The following OR3A2 variants were observed in gnomAD, a reference collection of about 807,000 sequenced individuals.
OR3A2 encodes olfactory receptor family 3 subfamily A member 2.
For synonymous variants in OR3A2, 126 were observed against 159.3 expected (o/e 0.79, Z 1.57); for missense variants, 318 against 392.8 (o/e 0.81, Z 1.61).
chr17:3,367,601 G>GTGTATATATATATA (rs1555530074), intron 2 of OR3A2, among the ~76,000 whole-genome samples: 6 of 122,522 alleles, frequency 4.9e-5, no homozygotes, highest in South Asian at 2.6e-4. Flanking sequence ...GTGTGTGTGT[G>GTGTATATATATATA]TATATATATA....
At chr17:3,334,947 T>G (rs1425674399) in intron 3 of OR3A2, among the ~76,000 whole-genome samples, 3 of 152,190 alleles carry the variant, frequency 2.0e-5, no homozygotes, top group Non-Finnish European at 4.4e-5. Context: ...AACAGGAAGG[T>G]GACAGTTTGT....
chr17:3,371,899 G>C (rs1729631983), intron 2 of OR3A2, among the ~76,000 whole-genome samples: 1 of 148,762 alleles, frequency 6.7e-6, no homozygotes, highest in East Asian at 2.1e-4. Flanking sequence ...CTCCCTCCCG[G>C]ACGGGGCGGC....
chr17:3,278,888 G>T (rs376118398), exon 2 of OR3A2: 2 of 1,518,670 alleles, frequency 1.3e-6, no homozygotes, highest in Non-Finnish European at 1.8e-6. Flanking sequence ...CAGCAACAGC[G>T]GTCCTATTGG....
chr17:3,371,083 C>A (rs985265672), intron 2 of OR3A2, among the ~76,000 whole-genome samples: 14 of 151,892 alleles, frequency 9.2e-5, no homozygotes, highest in Non-Finnish European at 1.9e-4. Flanking sequence ...CCTTTCTATT[C>A]CACAAAACCA....
chr17:3,350,233 C>G (rs1269735433), intron 2 of OR3A2, among the ~76,000 whole-genome samples: 1 of 151,830 alleles, frequency 6.6e-6, no homozygotes, highest in African/African-American at 2.4e-5. Flanking sequence ...AAAAAATTAA[C>G]GAATCCAGGA....
At chr17:3,298,412 G>A (rs1385483290) in intron 3 of OR3A2, 1 of 152,202 alleles carries the variant, frequency 6.6e-6, no homozygotes, top group Non-Finnish European at 1.5e-5. Flanking sequence ...ACAACCCTCT[G>A]TTGTAGGAAC....
intron 3 of OR3A2, among the ~76,000 whole-genome samples, chr17:3,301,488 T>G (rs1462382115): frequency 1.3e-5 from 2 of 152,260 alleles, no homozygotes; most frequent in Non-Finnish European, 2.9e-5. Flanking sequence ...CATAAATGTC[T>G]TCTTTTGAGA....
At chr17:3,278,479 A>G in exon 2 of OR3A2, 1 of 1,614,182 alleles carries the variant, frequency 6.2e-7, no homozygotes, top group Non-Finnish European at 8.5e-7. Context: ...GCAGCCACCA[A>G]CATCCTCTGG....
At chr17:3,302,812 G>T (rs1326526119) in intron 3 of OR3A2, among the ~76,000 whole-genome samples, 1 of 152,122 alleles carries the variant, frequency 6.6e-6, no homozygotes, top group Non-Finnish European at 1.5e-5. Context: ...TGCACTGTGT[G>T]AGCCTAGGGC....
In OR3A2 at chr17:3,335,696, G is replaced by A. The variant is rs1436312402; in HGVS notation, c.-85+337C>T. 3.3e-5 allele frequency among the ~76,000 whole-genome samples: 5 copies of A among 152,124 alleles called. No homozygotes were observed. In the East Asian group the frequency reaches 5.8e-4, roughly 18 times the overall value. ...CATACATTATCTCATTTAACTCTTC[G>A]AACAAAAGTCCCATGAGGCAAATGT... On this transcript the variant is annotated intron_variant, in intron 3 of 4. Transcript: ENST00000573491.
Position 3,373,771 on chromosome 17 carries a change from G to A in OR3A2, c.-179+10033C>T, listed in dbSNP as rs181773187. On this transcript the variant is annotated intron_variant, in intron 2 of 4. Coordinates refer to the OR3A2 transcript ENST00000573491. ...TCTTCCATTCTGCATCTTTTAACTG[G>A]GGCACTTAGGCCATTTACATTCAAT... Among the ~76,000 whole-genome samples, 24 of 152,158 alleles carry A rather than the reference G, an allele frequency of 1.6e-4. No individual in the cohort carries two copies. The East Asian group carries it at 3.5e-3, about 22-fold the overall frequency.
At chr17:3,370,132 C>T (rs768090106) in intron 2 of OR3A2, among the ~76,000 whole-genome samples, 8 of 152,148 alleles carry the variant, frequency 5.3e-5, no homozygotes, top group Non-Finnish European at 7.3e-5. Context: ...TGATAGAACT[C>T]AGCTGTGAAA....
At chr17:3,361,844 T>G (rs231430) in intron 2 of OR3A2, among the ~76,000 whole-genome samples, 17 of 151,126 alleles carry the variant, frequency 1.1e-4, no homozygotes, top group Admixed American at 1.1e-3. Flanking sequence ...ATTTTTGCAT[T>G]GATGTTCATC....
intron 3 of OR3A2, among the ~76,000 whole-genome samples, chr17:3,330,540 CT>C (rs1002210525): frequency 6.1e-4 from 92 of 151,850 alleles, no homozygotes; most frequent in African/African-American, 1.8e-3. Flanking sequence ...CAACCCCTGC[CT>C]TTTTTTTGTT....
At chr17:3,312,536 A>G (rs2049052416) in intron 3 of OR3A2, among the ~76,000 whole-genome samples, 1 of 152,228 alleles carries the variant, frequency 6.6e-6, no homozygotes, top group African/African-American at 2.4e-5. Context: ...GCATGAGCCT[A>G]TTCTCACAAC....
At chr17:3,281,092 A>G (rs1028874906) in intron 1 of OR3A2, among the ~76,000 whole-genome samples, 1 of 152,156 alleles carries the variant, frequency 6.6e-6, no homozygotes, top group African/African-American at 2.4e-5. Context: ...TGTACTCACA[A>G]TCCTGGAACA....
At chr17:3,281,217 T>TA (rs887101549) in intron 1 of OR3A2, among the ~76,000 whole-genome samples, 2 of 151,132 alleles carry the variant, frequency 1.3e-5, no homozygotes, top group Non-Finnish European at 2.9e-5. Flanking sequence ...TCTCCCAAGA[T>TA]AATACCCAGG....
At chr17:3,317,948 C>T (rs144625173) in intron 3 of OR3A2, among the ~76,000 whole-genome samples, 1 of 152,098 alleles carries the variant, frequency 6.6e-6, no homozygotes, top group East Asian at 1.9e-4. Context: ...TCTCTCCACA[C>T]TGGGAGACAG....
At chr17:3,349,517 C>A (rs937722399) in intron 2 of OR3A2, among the ~76,000 whole-genome samples, 1 of 152,122 alleles carries the variant, frequency 6.6e-6, no homozygotes, top group Admixed American at 6.6e-5. Context: ...TACAGGAGCA[C>A]CCAAATTCAT....
Sources: gnomAD v4.1 joint callset for allele counts (sites outside exome capture counted in the v4.1 genomes callset) on GRCh38, gnomAD v4.1.1 for gene constraint, MANE v1.5 for transcripts, NCBI Gene and HGNC (gene_info 2026-07-23, HGNC 2026-07-21) for gene names.